The following FRMPD4 variants were observed in gnomAD, a reference collection of about 807,000 sequenced individuals.
FRMPD4 encodes FERM and PDZ domain-containing protein 4.
In FRMPD4, 22 loss-of-function variants were observed where a neutral mutation model predicts 94.1. That is an observed-to-expected ratio of 0.23 (90% confidence interval 0.17 to 0.33). FRMPD4 has a LOEUF of 0.33. Ranked by LOEUF, FRMPD4 falls within the 10% of genes least tolerant of loss-of-function variation. The pLI is 1.00. For missense variants in FRMPD4, 1,111 were observed against 1,339.9 expected (o/e 0.83, Z 2.67); for synonymous variants, 631 against 548.6 (o/e 1.15, Z -2.10).
intron 3 of FRMPD4, among the ~76,000 whole-genome samples, chrX:12,008,073 G>C (rs777344134): frequency 8.9e-6 from 1 of 112,132 alleles, no homozygotes; most frequent in African/African-American, 3.2e-5. Context: ...GGCTGCTTGT[G>C]AGTCACTGCG....
intron 4 of FRMPD4, among the ~76,000 whole-genome samples, chrX:12,617,860 T>A (rs1331085813): frequency 8.9e-6 from 1 of 111,997 alleles, no homozygotes; most frequent in Non-Finnish European, 1.9e-5. Context: ...CTTGGTGGAT[T>A]ATTTTTCTTA....
chrX:12,360,674 G>A (rs987893298), intron 1 of FRMPD4, among the ~76,000 whole-genome samples: 1 of 111,343 alleles, frequency 9.0e-6, no homozygotes, highest in African/African-American at 3.3e-5. Context: ...CATGCTCTGG[G>A]TAATTCCTGA....
intron 2 of FRMPD4, among the ~76,000 whole-genome samples, chrX:12,553,466 A>ATATATATATATCTC (rs368999462): frequency 3.8e-5 from 3 of 78,055 alleles, no homozygotes; most frequent in Admixed American, 1.6e-4. Context: ...ATATATATAT[A>ATATATATATATCTC]TCTAATCCAC....
At chrX:12,282,875 A>AT (rs200013127) in intron 1 of FRMPD4, among the ~76,000 whole-genome samples, 1,897 of 112,582 alleles carry the variant, frequency 0.017, 39 homozygotes, top group African/African-American at 0.058. Flanking sequence ...AGAAATTTCC[A>AT]GAAAGGTCAA....
chrX:12,361,994 A>G lies in FRMPD4; in HGVS notation c.42-136686A>G, dbSNP rs192496857. On this transcript the variant is annotated intron_variant, in intron 1 of 16. Transcript: ENST00000675598. Reference sequence around the variant, plus strand: ...ATTTAGGGCCCAGCCAGGTAATCTAAGATTCAACCCATTACAGACAGCAAA... The same window carrying G: ...ATTTAGGGCCCAGCCAGGTAATCTAGGATTCAACCCATTACAGACAGCAAA... 2.7e-5 allele frequency among the ~76,000 whole-genome samples: 3 copies of G among 111,332 alleles called. No individual in the cohort carries two copies. In the East Asian group the frequency reaches 8.5e-4, roughly 31 times the overall value.
chrX:12,378,614 T>TGTGTAGG (rs2056274680), intron 1 of FRMPD4, among the ~76,000 whole-genome samples: 1 of 112,285 alleles, frequency 8.9e-6, no homozygotes, highest in African/African-American at 3.2e-5. Context: ...GTGTGCGCTG[T>TGTGTAGG]GTGTAGGAAC....
intron 1 of FRMPD4, among the ~76,000 whole-genome samples, chrX:12,204,245 C>T (rs994094848): frequency 8.9e-6 from 1 of 111,918 alleles, no homozygotes; most frequent in Non-Finnish European, 1.9e-5. Context: ...CAGGGCAGCC[C>T]CCACAACAAA....
intron 11 of FRMPD4, among the ~76,000 whole-genome samples, chrX:12,704,917 C>A (rs2041848744): frequency 8.9e-6 from 1 of 112,334 alleles, no homozygotes; most frequent in South Asian, 3.7e-4. Flanking sequence ...TCAACTGTGG[C>A]GTAATTGACA....
intron 1 of FRMPD4, among the ~76,000 whole-genome samples, chrX:11,841,428 T>G (rs1379671367): frequency 9.2e-6 from 1 of 108,193 alleles, no homozygotes; most frequent in Non-Finnish European, 1.9e-5. Context: ...GACTTTTTAA[T>G]GATTGCCGTT....
rs773793762 is a variant in FRMPD4 at position 12,674,906 on chromosome X, C to A, written c.466C>A (p.Pro156Thr). The A allele has an allele frequency of 7.9e-6, 9 of 1,137,215 alleles. No homozygotes were observed. Among genetic ancestry groups the A allele is most frequent in the Non-Finnish European group, 1.1e-5 (9 of 828,743 alleles). The allele number at this position is 1,137,215 out of a possible 1,213,427, so 93.7% of individuals were successfully genotyped here. A position where few individuals can be genotyped will look rare whatever the true frequency, so the allele number is the denominator to read the frequency against. ...ACTCCTCACTGTCATTCAGCCTTAC[C>A]CTGTAAGTGTTCTGTGAATAAAAGT... ...SILLTVIQPYPSPKSAFISAA... is the reference protein window; with the variant it reads ...SILLTVIQPYTSPKSAFISAA... Residue 156 changes from proline to threonine, a missense_variant and splice_region_variant, in exon 5 of 17, where the codon CCT becomes ACT. By Grantham distance (38) the Pro-to-Thr change is conservative (BLOSUM62 -1). Around this residue, in one of 8 missense-constraint regions of FRMPD4, gnomAD observed 140 missense variants for 165.9 expected, o/e 0.84. Coordinates refer to ENST00000675598, the MANE Select transcript of FRMPD4 (RefSeq NM_001368397.1).
At chrX:12,030,102 G>A (rs2054682932) in intron 3 of FRMPD4, among the ~76,000 whole-genome samples, 1 of 111,824 alleles carries the variant, frequency 8.9e-6, no homozygotes, top group Non-Finnish European at 1.9e-5. Flanking sequence ...ATGCTATTGT[G>A]GTAACGCTAA....
In FRMPD4 at chrX:12,331,742, TTATA is replaced by T. The variant is rs1282119687; in HGVS notation, c.42-166934_42-166931del. 1.4e-4 allele frequency among the ~76,000 whole-genome samples: 7 copies of T among 49,363 alleles called. 1 individual carries two copies. Among genetic ancestry groups the T allele is most frequent in the Non-Finnish European group, 2.3e-4 (7 of 30,568 alleles). 42.9% of individuals were successfully genotyped at this position (49,363 alleles called of 115,157 possible). On this transcript the variant is annotated intron_variant, in intron 1 of 16. Transcript: ENST00000675598. ...TATATATAGTATATAAATATATAAT[TTATA>T]TATTTATATACTATATATAAATTAT...
chrX:12,580,212 G>A (rs1368215188), intron 2 of FRMPD4, among the ~76,000 whole-genome samples: 1 of 112,174 alleles, frequency 8.9e-6, no homozygotes, highest in Non-Finnish European at 1.9e-5. Context: ...CCCATGTCCA[G>A]TGGCTAAAAC....
intron 1 of FRMPD4, among the ~76,000 whole-genome samples, chrX:12,195,932 C>T (rs1000337849): frequency 1.8e-5 from 2 of 111,771 alleles, no homozygotes; most frequent in Non-Finnish European, 3.8e-5. Context: ...ACAGGTGGAC[C>T]TAAAGGGAAA....
intron 1 of FRMPD4, among the ~76,000 whole-genome samples, chrX:12,346,667 A>G (rs2055716837): frequency 9.0e-6 from 1 of 111,586 alleles, no homozygotes; most frequent in Non-Finnish European, 1.9e-5. Flanking sequence ...TTTGCCAAAA[A>G]TGGAGCATAC....
chrX:12,687,983 G>A (rs1480891513), intron 7 of FRMPD4, among the ~76,000 whole-genome samples: 1 of 111,852 alleles, frequency 8.9e-6, no homozygotes, highest in African/African-American at 3.3e-5. Flanking sequence ...TATGGCCCAA[G>A]GCCACCCAGT....
intron 3 of FRMPD4, among the ~76,000 whole-genome samples, chrX:12,043,425 A>G (rs1024328075): frequency 8.9e-6 from 1 of 111,737 alleles, no homozygotes; most frequent in Non-Finnish European, 1.9e-5. Context: ...GCTTCTGAAA[A>G]AAAACTATCT....
At chrX:12,450,130 A>T (rs1320918218) in intron 1 of FRMPD4, among the ~76,000 whole-genome samples, 1 of 110,151 alleles carries the variant, frequency 9.1e-6, no homozygotes, top group Non-Finnish European at 1.9e-5. Context: ...AGGAATGATT[A>T]AAAAAAAATA....
intron 2 of FRMPD4, among the ~76,000 whole-genome samples, chrX:12,504,189 A>G (rs1184547512): frequency 8.9e-6 from 1 of 112,867 alleles, no homozygotes; most frequent in Non-Finnish European, 1.9e-5. Flanking sequence ...CATGAAGGAA[A>G]TAAGAGAAAT....
Sources: gnomAD v4.1 joint callset for allele counts (sites outside exome capture counted in the v4.1 genomes callset) on GRCh38, gnomAD v4.1.1 for gene constraint, gnomAD v4.1.1 regional missense constraint, MANE v1.5 for transcripts, NCBI Gene and HGNC (gene_info 2026-07-23, HGNC 2026-07-21) for gene names.